Variants in EEFSEC observed in about 807,000 individuals in gnomAD.
EEFSEC encodes the protein eukaryotic elongation factor, selenocysteine-tRNA specific.
In EEFSEC, 43 loss-of-function variants were observed where a neutral mutation model predicts 42.1. That is an observed-to-expected ratio of 1.02 (90% CI 0.80 to 1.32). The LOEUF (loss-of-function observed/expected upper bound fraction) is 1.32, where lower values mean the gene tolerates loss of function less well. EEFSEC is among the 40% of genes most tolerant of loss of function. The probability of loss-of-function intolerance (pLI) is 0.00; values close to 1 mark genes in which losing one functional copy is unlikely to be tolerated. For missense variants in EEFSEC, 745 were observed against 803.6 expected (o/e 0.93, Z 0.88); for synonymous variants, 354 against 339.1 (o/e 1.04, Z -0.48).
the EEFSEC span, among the ~76,000 whole-genome samples, chr3:128,425,807 G>C: frequency 2.2e-4 from 33 of 152,160 alleles, no homozygotes; most frequent in Admixed American, 2.2e-3. Flanking sequence ...GGGCTCCAAG[G>C]GCATGAATTA....
At chr3:128,290,382 A>T in intron 4 of EEFSEC, among the ~76,000 whole-genome samples, 1 of 152,198 alleles carries the variant, frequency 6.6e-6, no homozygotes, top group East Asian at 1.9e-4. Flanking sequence ...TCTTAAAAAA[A>T]ATCAAGTGAC....
chr3:128,187,943 T>C (rs1346077929), intron 1 of EEFSEC, among the ~76,000 whole-genome samples: 6 of 152,298 alleles, frequency 3.9e-5, no homozygotes, highest in Middle Eastern at 6.8e-3. Flanking sequence ...GCTTGTGTGA[T>C]TGGTCACAAG....
intron 1 of EEFSEC, among the ~76,000 whole-genome samples, chr3:128,168,434 C>A (rs1047323071): frequency 6.6e-6 from 1 of 152,150 alleles, no homozygotes; most frequent in African/African-American, 2.4e-5. Context: ...CTCCATATAC[C>A]ATTACCAAGT....
chr3:128,309,048 G>A (rs1050622282), intron 4 of EEFSEC, among the ~76,000 whole-genome samples: 3 of 152,214 alleles, frequency 2.0e-5, no homozygotes, highest in East Asian at 3.8e-4. Flanking sequence ...GTGTTTGTAC[G>A]CATGATCTCA....
At chr3:128,164,732 G>A (rs1378934202) in intron 1 of EEFSEC, among the ~76,000 whole-genome samples, 1 of 152,162 alleles carries the variant, frequency 6.6e-6, no homozygotes, top group East Asian at 1.9e-4. Flanking sequence ...GTGTGACTGG[G>A]GTATCAGGCC....
chr3:128,313,028 G>A lies in EEFSEC; in HGVS notation c.787-28205G>A, dbSNP rs115119067. Among the ~76,000 whole-genome samples the A allele has an allele frequency of 2.7e-3, 415 of 152,300 alleles. 2 individuals carry two copies. Among genetic ancestry groups the A allele is most frequent in the Non-Finnish European group, 4.2e-3 (283 of 68,028 alleles). The stretch of plus-strand genomic sequence containing the variant: ...AACTTGGTCAAGTCAAGTAGCCTCC[G>A]TAGGTCTCAGCCCCCTTGTCTGTAA... On this transcript the variant is annotated intron_variant, in intron 4 of 6. Coordinates refer to ENST00000254730, the MANE Select transcript of EEFSEC (RefSeq NM_021937.5).
chr3:128,290,552 A>G (rs559264446), intron 4 of EEFSEC, among the ~76,000 whole-genome samples: 3 of 150,998 alleles, frequency 2.0e-5, no homozygotes, highest in Admixed American at 6.6e-5. Context: ...TTGCATCTAT[A>G]TAGATTTCCA....
intron 1 of EEFSEC, among the ~76,000 whole-genome samples, chr3:128,188,022 C>T (rs2107799387): frequency 6.6e-6 from 1 of 152,250 alleles, no homozygotes; most frequent in Middle Eastern, 3.4e-3. Context: ...GTATCTTGGA[C>T]CAAAACATTT....
rs76431722 is a variant in EEFSEC, at chr3:128,153,586, C to G, written c.79C>G (p.Leu27Val). ...DSGKTALARALSTTASTAAFD... is the reference protein window; with the variant it reads ...DSGKTALARAVSTTASTAAFD... The stretch of plus-strand genomic sequence containing the variant: ...CGGCAAGACGGCGCTGGCGCGGGCG[C>G]TAAGCACCACAGCCTCCACCGCCGC... Residue 27 changes from leucine (L) to valine (V), a missense_variant, in exon 1 of 7, where the codon CTA becomes GTA. By Grantham distance (32) the Leu-to-Val change is conservative. Transcript: ENST00000254730. 2.5e-4 allele frequency: 387 copies of G among 1,572,028 alleles called. 2 individuals carry two copies. The African/African-American group carries it at 5.2e-3, about 21-fold the overall frequency.
At chr3:128,364,274 G>A (rs2067562136) in intron 6 of EEFSEC, among the ~76,000 whole-genome samples, 1 of 152,190 alleles carries the variant, frequency 6.6e-6, no homozygotes, top group South Asian at 2.1e-4. Flanking sequence ...TGTGGGACAG[G>A]CAGAGACATG....
chr3:128,196,980 C>T (rs534157976), intron 1 of EEFSEC, among the ~76,000 whole-genome samples: 178 of 152,334 alleles, frequency 1.2e-3, no homozygotes, highest in African/African-American at 4.0e-3. Context: ...CAGCCCAGCT[C>T]TGGCCTCGTT....
chr3:128,408,737 C>G (rs923432659), downstream of EEFSEC: 27 of 153,752 alleles, frequency 1.8e-4, no homozygotes, highest in African/African-American at 6.0e-4. Flanking sequence ...GAGTTCCTGC[C>G]CAGGTCGGGG....
chr3:128,161,065 T>C (rs2065181253), intron 1 of EEFSEC, among the ~76,000 whole-genome samples: 1 of 152,166 alleles, frequency 6.6e-6, no homozygotes, highest in Non-Finnish European at 1.5e-5. Context: ...GGGAACCCAG[T>C]TAGTAAGTGT....
intron 1 of EEFSEC, among the ~76,000 whole-genome samples, chr3:128,154,523 C>T (rs1262921389): frequency 6.6e-6 from 1 of 151,820 alleles, no homozygotes; most frequent in Admixed American, 6.6e-5. Context: ...GATCTCGGCT[C>T]ACTGCAACTT....
chr3:128,312,940 C>T (rs185473083), intron 4 of EEFSEC, among the ~76,000 whole-genome samples: 85 of 152,318 alleles, frequency 5.6e-4, no homozygotes, highest in African/African-American at 1.8e-3. Flanking sequence ...TGAGGGTGAG[C>T]ATTAACTTTG....
chr3:128,392,215 G>A (rs898622769), intron 6 of EEFSEC, among the ~76,000 whole-genome samples: 3 of 152,290 alleles, frequency 2.0e-5, no homozygotes, highest in African/African-American at 7.2e-5. Flanking sequence ...GAAGAGACCC[G>A]CACCAGCCCC....
intron 1 of EEFSEC, among the ~76,000 whole-genome samples, chr3:128,195,913 C>T (rs2065579997): frequency 6.6e-6 from 1 of 152,174 alleles, no homozygotes; most frequent in Non-Finnish European, 1.5e-5. Context: ...TGTTTGGACC[C>T]AAGATGAAGA....
chr3:128,224,873 C>T (rs989683452), intron 1 of EEFSEC, among the ~76,000 whole-genome samples: 1 of 152,234 alleles, frequency 6.6e-6, no homozygotes, highest in African/African-American at 2.4e-5. Flanking sequence ...ATCCCCAAGT[C>T]CTTCATGTCG....
At chr3:128,244,205 C>T (rs1238061417) in intron 1 of EEFSEC, among the ~76,000 whole-genome samples, 1 of 152,224 alleles carries the variant, frequency 6.6e-6, no homozygotes, top group African/African-American at 2.4e-5. Flanking sequence ...CTCATCCTGC[C>T]TCAAGACCCA....
Sources: allele counts gnomAD v4.1 joint callset (sites outside exome capture counted in the v4.1 genomes callset), GRCh38; gene constraint gnomAD v4.1.1; transcripts MANE v1.5; gene names NCBI Gene and HGNC (gene_info 2026-07-23, HGNC 2026-07-21).